NREP: variants seen among roughly 807,000 people sequenced by gnomAD.
NREP encodes neuronal regeneration related protein, also known as neuronal regeneration-related protein.
In NREP, 5 loss-of-function variants were observed where a neutral mutation model predicts 8.6. The ratio of observed to expected loss-of-function variants is 0.58; its 90% CI spans 0.30 to 1.22. The LOEUF (loss-of-function observed/expected upper bound fraction) is 1.22, where lower values mean the gene tolerates loss of function less well. Among genes scored for constraint, NREP ranks in the 50% most tolerant of loss-of-function variants. NREP has a pLI of 0.07. For missense variants in NREP, 86 were observed against 82.5 expected (o/e 1.04, Z -0.17); for synonymous variants, 27 against 28.0 (o/e 0.96, Z 0.11).
chr5:111,975,917 C>T (rs1045163645), intron 1 of NREP, among the ~76,000 whole-genome samples: 31 of 152,158 alleles, frequency 2.0e-4, no homozygotes, highest in African/African-American at 7.2e-4. Flanking sequence ...GTCAGTGTCT[C>T]ACTATATCCA....
At chr5:111,793,975 T>C (rs1469407451) in intron 2 of NREP, among the ~76,000 whole-genome samples, 1 of 152,172 alleles carries the variant, frequency 6.6e-6, no homozygotes, top group Non-Finnish European at 1.5e-5. Context: ...GGAGTACCAC[T>C]GGAGCCAAGA....
chr5:111,740,507 A>G (rs911175967), intron 2 of NREP, among the ~76,000 whole-genome samples: 14 of 151,988 alleles, frequency 9.2e-5, no homozygotes, highest in Non-Finnish European at 2.9e-5. Context: ...TGGACAGTGC[A>G]TCATGAAAAA....
intron 2 of NREP, among the ~76,000 whole-genome samples, chr5:111,958,537 T>C (rs1233634270): frequency 6.6e-6 from 1 of 151,964 alleles, no homozygotes; most frequent in Non-Finnish European, 1.5e-5. Flanking sequence ...TTACACTTAA[T>C]AGCCAATTTA....
At chr5:111,914,080 T>G (rs553225123) in intron 2 of NREP, among the ~76,000 whole-genome samples, 1 of 152,228 alleles carries the variant, frequency 6.6e-6, no homozygotes, top group African/African-American at 2.4e-5. Flanking sequence ...GAGGCAAAAG[T>G]TGGCACCAAG....
intron 2 of NREP, among the ~76,000 whole-genome samples, chr5:111,791,126 G>A (rs781246746): frequency 1.3e-5 from 2 of 152,022 alleles, no homozygotes; most frequent in Non-Finnish European, 2.9e-5. Flanking sequence ...TTTTTGGAGT[G>A]GAACATGATG....
At chr5:111,876,376 C>T in intron 2 of NREP, among the ~76,000 whole-genome samples, 1 of 152,162 alleles carries the variant, frequency 6.6e-6, no homozygotes, top group East Asian at 1.9e-4. Context: ...TTCTTGGTTT[C>T]ACAGCCCAAC....
intron 2 of NREP, among the ~76,000 whole-genome samples, chr5:111,905,047 C>A (rs1754746241): frequency 6.6e-6 from 1 of 152,072 alleles, no homozygotes; most frequent in Non-Finnish European, 1.5e-5. Context: ...AGTATCTGAA[C>A]CCCACTGGGA....
chr5:111,962,881 C>G (rs1756518065), intron 2 of NREP, among the ~76,000 whole-genome samples: 1 of 152,202 alleles, frequency 6.6e-6, no homozygotes, highest in Admixed American at 6.5e-5. Flanking sequence ...CCTTCTCTAG[C>G]TCCCCTCTCC....
intron 2 of NREP, among the ~76,000 whole-genome samples, chr5:111,773,204 C>T (rs1751277792): frequency 6.7e-6 from 1 of 150,374 alleles, no homozygotes; most frequent in South Asian, 2.1e-4. Flanking sequence ...GAGGGGAAAC[C>T]AAAAAAAGGA....
chr5:111,944,969 A>G (rs984629516), intron 2 of NREP, among the ~76,000 whole-genome samples: 1 of 152,038 alleles, frequency 6.6e-6, no homozygotes, highest in Non-Finnish European at 1.5e-5. Flanking sequence ...CTAATATTTG[A>G]TTAGTTAACA....
At chr5:111,739,520 G>A (rs1312525839) in intron 2 of NREP, 2 of 152,090 alleles carry the variant, frequency 1.3e-5, no homozygotes, top group African/African-American at 4.8e-5. Context: ...ATAATATGAG[G>A]GTCAGAAAAC....
At chr5:111,822,792 T>C (rs775322551) in intron 2 of NREP, among the ~76,000 whole-genome samples, 2 of 152,226 alleles carry the variant, frequency 1.3e-5, no homozygotes, top group Admixed American at 6.5e-5. Flanking sequence ...AGGAAATCCA[T>C]ATATTGTAGT....
At chr5:111,815,162 A>G (rs1752357027) in intron 2 of NREP, among the ~76,000 whole-genome samples, 1 of 152,184 alleles carries the variant, frequency 6.6e-6, no homozygotes, top group Non-Finnish European at 1.5e-5. Flanking sequence ...ACAGTCTTAA[A>G]GGCTAAAAGA....
At chr5:111,763,353 A>G (rs1000693876) in intron 2 of NREP, among the ~76,000 whole-genome samples, 3 of 152,248 alleles carry the variant, frequency 2.0e-5, no homozygotes, top group African/African-American at 4.8e-5. Context: ...TACAACCTAC[A>G]TGACTCTATA....
At chr5:111,968,744 G>A (rs530764771) in intron 2 of NREP, among the ~76,000 whole-genome samples, 56 of 152,250 alleles carry the variant, frequency 3.7e-4, no homozygotes, top group East Asian at 1.9e-4. Context: ...TTCTCAGAAC[G>A]TCTGGATCCC....
chr5:111,788,314 C>G (rs549608608), intron 2 of NREP, among the ~76,000 whole-genome samples: 1 of 152,248 alleles, frequency 6.6e-6, no homozygotes, highest in African/African-American at 2.4e-5. Flanking sequence ...TTCCTGTATT[C>G]TCAATATCTT....
Position 111,729,818 on chromosome 5 carries a change from T to G in NREP, c.*1103A>C, listed in dbSNP as rs539275151. ...ATCAAAATTGCCGAAAAAAGAATGC[T>G]CTGCCTTTTAAAAAAGTATCATGAT... is the stretch of plus-strand genomic sequence containing the variant. On this transcript the variant is annotated 3_prime_UTR_variant, in exon 4 of 4. Coordinates refer to ENST00000257435, the MANE Select transcript of NREP (RefSeq NM_004772.4). The G allele has an allele frequency of 2.0e-5, 3 of 152,624 alleles. No individual in the cohort carries two copies. The highest frequency in any genetic ancestry group is 1.3e-4 in the Admixed American group (2 of 15,280). The allele number at this position is 152,624 out of a possible 1,614,324, so 9.5% of individuals were successfully genotyped here. A position where few individuals can be genotyped will look rare whatever the true frequency, so the allele number is the denominator to read the frequency against.
chr5:111,822,191 T>G (rs903908379), intron 2 of NREP, among the ~76,000 whole-genome samples: 1 of 152,050 alleles, frequency 6.6e-6, no homozygotes, highest in Non-Finnish European at 1.5e-5. Flanking sequence ...TTTGAAGGCA[T>G]TGGAAAGTTA....
At chr5:111,848,668 A>T (rs1048437824) in intron 2 of NREP, among the ~76,000 whole-genome samples, 2 of 126,990 alleles carry the variant, frequency 1.6e-5, no homozygotes, top group African/African-American at 2.9e-5. Flanking sequence ...ATCCCCTGCC[A>T]CCTTGAAATG....
Sources: gnomAD v4.1 joint callset for allele counts (sites outside exome capture counted in the v4.1 genomes callset) on GRCh38, gnomAD v4.1.1 for gene constraint, MANE v1.5 for transcripts, NCBI Gene and HGNC (gene_info 2026-07-23, HGNC 2026-07-21) for gene names.